Variants in ADGRL4 observed in about 807,000 individuals in gnomAD.
The protein encoded by ADGRL4 is adhesion G protein-coupled receptor L4, also known as EGF, latrophilin and seven transmembrane domain containing 1.
In ADGRL4, 90 loss-of-function variants were observed where a neutral mutation model predicts 74.8. That is an observed-to-expected ratio of 1.20 (90% CI 1.02 to 1.43). The LOEUF is 1.43. ADGRL4 is among the 40% of genes most tolerant of loss of function. The probability of loss-of-function intolerance (pLI) is 0.00; values close to 1 mark genes in which losing one functional copy is unlikely to be tolerated. For missense variants in ADGRL4, 881 were observed against 814.3 expected (o/e 1.08, Z -1.00); for synonymous variants, 311 against 279.2 (o/e 1.11, Z -1.14).
chr1:78,920,709 T>C (rs1444611089), intron 9 of ADGRL4, among the ~76,000 whole-genome samples: 1 of 151,866 alleles, frequency 6.6e-6, no homozygotes. Context: ...AATCGATTAT[T>C]ATAATGTGAA....
At chr1:79,002,989 A>G (rs562978475) in intron 2 of ADGRL4, among the ~76,000 whole-genome samples, 1 of 152,176 alleles carries the variant, frequency 6.6e-6, no homozygotes, top group South Asian at 2.1e-4. Flanking sequence ...TACCTCTGAG[A>G]GAGACAAATT....
At chr1:78,976,660 GT>G (rs1650288871) in intron 2 of ADGRL4, among the ~76,000 whole-genome samples, 1 of 151,506 alleles carries the variant, frequency 6.6e-6, no homozygotes. Context: ...TTATAAAAAA[GT>G]TTGCCAACGC....
At chr1:78,962,421 C>T (rs1242205168) in intron 2 of ADGRL4, among the ~76,000 whole-genome samples, 1 of 152,084 alleles carries the variant, frequency 6.6e-6, no homozygotes, top group Non-Finnish European at 1.5e-5. Context: ...AAGTTTTAGC[C>T]TACTCATATA....
At chr1:78,952,138 C>A (rs140725864) in intron 2 of ADGRL4, among the ~76,000 whole-genome samples, 35 of 151,820 alleles carry the variant, frequency 2.3e-4, no homozygotes, top group Non-Finnish European at 4.4e-4. Context: ...TATTATTGGC[C>A]GGGCTCAAAT....
At chr1:78,981,915 T>C (rs1650403863) in intron 2 of ADGRL4, among the ~76,000 whole-genome samples, 2 of 151,842 alleles carry the variant, frequency 1.3e-5, no homozygotes, top group Non-Finnish European at 2.9e-5. Context: ...CAATATATAG[T>C]AATTCATTTT....
chr1:78,971,163 G>A (rs1650158846), intron 2 of ADGRL4, among the ~76,000 whole-genome samples: 1 of 152,184 alleles, frequency 6.6e-6, no homozygotes, highest in South Asian at 2.1e-4. Flanking sequence ...AGGCCTCTAA[G>A]AAAACTCTTG....
Position 78,890,823 on chromosome 1 carries a change from T to C in ADGRL4, c.*331A>G. 4.1e-6 allele frequency: 1 copy of C among 243,048 alleles called. No individual in the cohort carries two copies. The highest frequency in any genetic ancestry group is 9.7e-5 in the East Asian group (1 of 10,280). The allele number at this position is 243,048 out of a possible 1,614,324, so 15.1% of individuals were successfully genotyped here. On this transcript the variant is annotated 3_prime_UTR_variant, in exon 15 of 15. Transcript: ENST00000370742. Reference sequence around the variant, plus strand: ...CAGAAATATCAAGCCAGTGGTTTCCTTCAGGACATTCATATACTTCTCGTG... The same window carrying C: ...CAGAAATATCAAGCCAGTGGTTTCCCTCAGGACATTCATATACTTCTCGTG...
At chr1:79,001,350 C>T (rs1650840851) in intron 2 of ADGRL4, among the ~76,000 whole-genome samples, 2 of 151,778 alleles carry the variant, frequency 1.3e-5, no homozygotes, top group South Asian at 4.2e-4. Context: ...AGAAAAGTTT[C>T]AGATGAACTA....
chr1:78,953,658 G>A (rs1649773891), intron 2 of ADGRL4, among the ~76,000 whole-genome samples: 1 of 152,162 alleles, frequency 6.6e-6, no homozygotes, highest in South Asian at 2.1e-4. Context: ...ATTCAAGACA[G>A]CATTCTAACC....
intron 8 of ADGRL4, among the ~76,000 whole-genome samples, chr1:78,925,285 C>A (rs1649087864): frequency 1.3e-5 from 2 of 152,036 alleles, no homozygotes; most frequent in South Asian, 4.1e-4. Context: ...TCAGTTTCCT[C>A]ATCTATAAAA....
rs1227551088 is a variant in ADGRL4, at chr1:78,930,323, GAAC to G, written c.878-3235_878-3233del. 4.7e-5 allele frequency among the ~76,000 whole-genome samples: 7 copies of G among 149,224 alleles called. No homozygotes were observed. In the South Asian group the frequency reaches 1.5e-3, roughly 32 times the overall value. On this transcript the variant is annotated intron_variant, in intron 7 of 14. Coordinates refer to ENST00000370742, the MANE Select transcript of ADGRL4 (RefSeq NM_022159.4). ...AGGTAATATAATTTTACCTATATGA[GAAC>G]AACAACAAAATTCTACTATCAGCAG...
intron 2 of ADGRL4, among the ~76,000 whole-genome samples, chr1:78,949,789 T>C (rs933611381): frequency 8.5e-5 from 13 of 152,286 alleles, no homozygotes; most frequent in Non-Finnish European, 1.6e-4. Flanking sequence ...TGGTAGATTG[T>C]AAAATAACTA....
At chr1:79,004,884 T>C (rs972060514) in intron 2 of ADGRL4, among the ~76,000 whole-genome samples, 186 bp downstream of exon 2, 1 of 152,180 alleles carries the variant, frequency 6.6e-6, no homozygotes. Context: ...TCTTTTAAAA[T>C]CAGTAACAAG....
intron 2 of ADGRL4, among the ~76,000 whole-genome samples, chr1:78,985,844 A>AT (rs1348549794): frequency 6.6e-6 from 1 of 151,916 alleles, no homozygotes; most frequent in Non-Finnish European, 1.5e-5. Context: ...CTATGCAGCC[A>AT]TTAAAAAGGA....
At chr1:78,982,264 G>T (rs1003390093) in intron 2 of ADGRL4, among the ~76,000 whole-genome samples, 1 of 151,820 alleles carries the variant, frequency 6.6e-6, no homozygotes, top group Non-Finnish European at 1.5e-5. Flanking sequence ...CCTATGAAAG[G>T]TGGGACAACA....
intron 12 of ADGRL4, among the ~76,000 whole-genome samples, chr1:78,895,841 G>C (rs915250947): frequency 2.6e-5 from 4 of 152,000 alleles, no homozygotes; most frequent in African/African-American, 9.7e-5. Flanking sequence ...ATGTACTGTA[G>C]GCTTTCTCCT....
intron 2 of ADGRL4, among the ~76,000 whole-genome samples, chr1:78,962,905 A>T (rs1244681288): frequency 6.6e-6 from 1 of 152,214 alleles, no homozygotes; most frequent in Non-Finnish European, 1.5e-5. Context: ...CTACTTGAGA[A>T]AAATGTTCAT....
rs149919091 is a variant in ADGRL4, at chr1:79,001,700, CT to C, written c.172+3369del. On this transcript the variant is annotated intron_variant, in intron 2 of 14. Transcript: ENST00000370742. Reference sequence around the variant, plus strand: ...TGATAAAAATAAGCTGACAGACCATCTTTTTAGGTAAGCAAATTATACTGTT... The same window carrying C: ...TGATAAAAATAAGCTGACAGACCATCTTTTAGGTAAGCAAATTATACTGTT... Among the ~76,000 whole-genome samples the C allele has an allele frequency of 4.7e-3, 717 of 152,152 alleles. 6 individuals carry two copies. The highest frequency in any genetic ancestry group is 0.016 in the African/African-American group (684 of 41,520).
At chr1:78,974,884 T>C (rs952614632) in intron 2 of ADGRL4, among the ~76,000 whole-genome samples, 3 of 152,172 alleles carry the variant, frequency 2.0e-5, no homozygotes, top group African/African-American at 7.2e-5. Context: ...TGAGGTCACA[T>C]AGTTAGCAAT....
Sources: allele counts gnomAD v4.1 joint callset (sites outside exome capture counted in the v4.1 genomes callset), GRCh38; gene constraint gnomAD v4.1.1; transcripts MANE v1.5; gene names NCBI Gene and HGNC (gene_info 2026-07-23, HGNC 2026-07-21).